The following UBR3 variants were observed in gnomAD, a reference collection of about 807,000 sequenced individuals.
UBR3 encodes the protein E3 ubiquitin-protein ligase UBR3.
In UBR3, 85 loss-of-function variants were observed where a neutral mutation model predicts 243.2. The observed-to-expected ratio is 0.35, with a 90% CI of 0.29 to 0.42. The LOEUF (loss-of-function observed/expected upper bound fraction) is 0.42, where lower values mean the gene tolerates loss of function less well. Among genes scored for constraint, UBR3 ranks in the 10% least tolerant of loss-of-function variants. UBR3 has a pLI of 1.00. For synonymous variants in UBR3, 748 were observed against 799.8 expected (o/e 0.94, Z 1.09); for missense variants, 1,686 against 2,300.8 (o/e 0.73, Z 5.47).
intron 36 of UBR3, among the ~76,000 whole-genome samples, chr2:170,076,854 G>T (rs2091820873): frequency 6.6e-6 from 1 of 152,142 alleles, no homozygotes; most frequent in African/African-American, 2.4e-5. Flanking sequence ...TTCAAGCTTG[G>T]TCTATGGTAG....
At chr2:170,079,209 T>G (rs1438499001) in intron 36 of UBR3, among the ~76,000 whole-genome samples, 1 of 152,180 alleles carries the variant, frequency 6.6e-6, no homozygotes, top group Non-Finnish European at 1.5e-5. Flanking sequence ...TCAGGGAAAT[T>G]TAACTAATTT....
At chr2:169,987,402 A>C (rs888744261) in intron 25 of UBR3, among the ~76,000 whole-genome samples, 2 of 150,586 alleles carry the variant, frequency 1.3e-5, no homozygotes, top group African/African-American at 2.4e-5. Flanking sequence ...CAAAAAAAAA[A>C]AAAAAACAAA....
intron 29 of UBR3, among the ~76,000 whole-genome samples, chr2:170,013,388 A>C (rs1267146321): frequency 6.6e-6 from 1 of 152,152 alleles, no homozygotes; most frequent in Non-Finnish European, 1.5e-5. Context: ...GGATTGCTTG[A>C]GCACAGGAGT....
At chr2:169,940,137 C>T (rs2086523410) in intron 19 of UBR3, among the ~76,000 whole-genome samples, 1 of 152,076 alleles carries the variant, frequency 6.6e-6, no homozygotes, top group Non-Finnish European at 1.5e-5. Context: ...TCACCTCAAA[C>T]ATTTATCTTC....
intron 30 of UBR3, among the ~76,000 whole-genome samples, chr2:170,020,471 T>G (rs1455813448): frequency 1.3e-5 from 2 of 152,226 alleles, no homozygotes; most frequent in Non-Finnish European, 2.9e-5. Flanking sequence ...CATAAGCATG[T>G]GCTTAGGCAA....
intron 1 of UBR3, among the ~76,000 whole-genome samples, chr2:169,860,990 C>G (rs1445785689): frequency 6.6e-6 from 1 of 152,172 alleles, no homozygotes; most frequent in African/African-American, 2.4e-5. Context: ...GAATGAAGAA[C>G]TTGGTATCTG....
chr2:169,911,969 G>A (rs866925470), intron 10 of UBR3, among the ~76,000 whole-genome samples: 46 of 152,180 alleles, frequency 3.0e-4, no homozygotes, highest in Non-Finnish European at 1.5e-4. Flanking sequence ...CCAGGTAAGT[G>A]ATTTCGGTCT....
intron 28 of UBR3, 59 bp from the exon 29 acceptor site, chr2:170,008,745 A>G: frequency 1.2e-6 from 1 of 860,836 alleles, no homozygotes; most frequent in Non-Finnish European, 1.7e-6. Context: ...TTCTAGTTTC[A>G]GACCATTATT....
intron 24 of UBR3, among the ~76,000 whole-genome samples, chr2:169,961,487 T>G (rs924512852): frequency 6.6e-6 from 1 of 152,160 alleles, no homozygotes; most frequent in African/African-American, 2.4e-5. Context: ...CTGGTTCAGA[T>G]CTTAATAATG....
At chr2:169,901,779 G>C (rs2084832688) in intron 8 of UBR3, among the ~76,000 whole-genome samples, 1 of 151,998 alleles carries the variant, frequency 6.6e-6, no homozygotes, top group Admixed American at 6.5e-5. Context: ...CATATGCTTT[G>C]TGGTTCCAAA....
At chr2:169,866,622 C>G (rs1194024380) in intron 1 of UBR3, among the ~76,000 whole-genome samples, 1 of 152,178 alleles carries the variant, frequency 6.6e-6, no homozygotes, top group Non-Finnish European at 1.5e-5. Context: ...CTCGGCCCCC[C>G]AAAGTACTGG....
intron 1 of UBR3, among the ~76,000 whole-genome samples, chr2:169,867,534 A>G (rs1218093213): frequency 1.3e-5 from 2 of 152,246 alleles, no homozygotes; most frequent in Admixed American, 1.3e-4. Context: ...ATAAATTCAT[A>G]GAAATGGAAA....
At chr2:170,053,745 A>AT (rs2091274717) in intron 32 of UBR3, among the ~76,000 whole-genome samples, 1 of 152,210 alleles carries the variant, frequency 6.6e-6, no homozygotes, top group East Asian at 1.9e-4. Context: ...GATTATTTTA[A>AT]TGGGGAAATT....
At chr2:169,974,126 C>G (rs73017638) in intron 24 of UBR3, among the ~76,000 whole-genome samples, 14,790 of 152,054 alleles carry the variant, frequency 0.097, 855 homozygotes, top group African/African-American at 0.16. Context: ...GGGATATTGG[C>G]TTATAGTTTT....
chr2:169,843,657 A>G (rs924784883), intron 1 of UBR3, among the ~76,000 whole-genome samples: 4 of 152,232 alleles, frequency 2.6e-5, no homozygotes, highest in African/African-American at 9.6e-5. Context: ...GTCATGATAT[A>G]TTATCCTTTT....
At chr2:169,890,542 T>TAGAG (rs200566939) in intron 5 of UBR3, among the ~76,000 whole-genome samples, 1 of 62,094 alleles carries the variant, frequency 1.6e-5, no homozygotes, top group African/African-American at 6.8e-5. Flanking sequence ...GAGAGAGAGA[T>TAGAG]ATATATATAT....
chr2:169,853,613 G>A (rs1176873961), intron 1 of UBR3, among the ~76,000 whole-genome samples: 1 of 151,754 alleles, frequency 6.6e-6, no homozygotes, highest in Non-Finnish European at 1.5e-5. Context: ...ACCACACCTG[G>A]CTATTTTTGT....
intron 1 of UBR3, among the ~76,000 whole-genome samples, chr2:169,862,237 G>A (rs1453407592): frequency 6.6e-6 from 1 of 151,462 alleles, no homozygotes; most frequent in East Asian, 1.9e-4. Context: ...GGTACCTTAG[G>A]GCCCACTAAA....
At chr2:169,841,403 C>T (rs1034343723) in intron 1 of UBR3, among the ~76,000 whole-genome samples, 4 of 152,354 alleles carry the variant, frequency 2.6e-5, no homozygotes, top group South Asian at 4.1e-4. Flanking sequence ...CTCTCGGCAC[C>T]TCCCCTGCCT....
Sources: allele counts gnomAD v4.1 joint callset (sites outside exome capture counted in the v4.1 genomes callset), GRCh38; gene constraint gnomAD v4.1.1; transcripts MANE v1.5; gene names NCBI Gene and HGNC (gene_info 2026-07-23, HGNC 2026-07-21).